The following RABGAP1L variants were observed in gnomAD, a reference collection of about 807,000 sequenced individuals.
RABGAP1L encodes rab GTPase-activating protein 1-like.
RABGAP1L carries 63 observed loss-of-function variants against 137.7 expected under a neutral mutation model. The observed-to-expected ratio is 0.46, with a 90% CI of 0.37 to 0.56. The LOEUF is 0.56. Ranked by LOEUF, RABGAP1L falls within the 20% of genes least tolerant of loss-of-function variation. RABGAP1L has a pLI of 0.00. For missense variants in RABGAP1L, 1,095 were observed against 1,244.0 expected, an observed-to-expected ratio of 0.88 and a Z score of 1.80; for synonymous variants, 431 against 433.7, an observed-to-expected ratio of 0.99 and a Z score of 0.08.
At chr1:174,489,706 G>A (rs961375811) in intron 13 of RABGAP1L, among the ~76,000 whole-genome samples, 1 of 152,162 alleles carries the variant, frequency 6.6e-6, no homozygotes, top group Non-Finnish European at 1.5e-5. Flanking sequence ...TATAAATCAT[G>A]CTGCTATCAA....
chr1:174,804,179 A>G lies in RABGAP1L; in HGVS notation c.2212-7653A>G, dbSNP rs538999250. On this transcript the variant is annotated intron_variant, in intron 18 of 25. Coordinates refer to ENST00000681986, the MANE Select transcript of RABGAP1L (RefSeq NM_001366446.1). The stretch of plus-strand genomic sequence containing the variant: ...AGTCCATACTCTGTAAGTGTGTGAT[A>G]TTTGGAGAAGGAGGAGAAACTTTGA... 1.4e-4 allele frequency among the ~76,000 whole-genome samples: 22 copies of G among 151,826 alleles called. 1 individual carries two copies. The highest frequency in any genetic ancestry group is 2.6e-4 in the Non-Finnish European group (18 of 67,988).
At chr1:174,825,747 T>G (rs926780212) in intron 19 of RABGAP1L, among the ~76,000 whole-genome samples, 1 of 152,166 alleles carries the variant, frequency 6.6e-6, no homozygotes, top group Non-Finnish European at 1.5e-5. Flanking sequence ...CTGGGTGTGG[T>G]GGCGCATGCC....
At position 174,833,449 on chromosome 1, in the gene RABGAP1L, G is replaced by GAGATATATATAT. The variant is rs1553259972; in HGVS notation, c.2340+21490_2340+21491insGATATATATATA. Among the ~76,000 whole-genome samples, 104 of 27,852 alleles carry GAGATATATATAT rather than the reference G, an allele frequency of 3.7e-3. 16 individuals carry two copies. The highest frequency in any genetic ancestry group is 8.4e-3 in the Non-Finnish European group (76 of 9,040). 18.3% of individuals were successfully genotyped at this position (27,852 alleles called of 152,430 possible). ...ATATATATATGTGTGTGTGTGTAGA[G>GAGATATATATAT]ATATATATATATATATATAGTAGAG... On this transcript the variant is annotated intron_variant, in intron 19 of 25. Coordinates refer to ENST00000681986, the MANE Select transcript of RABGAP1L (RefSeq NM_001366446.1).
At chr1:174,628,693 C>T (rs1009794584) in intron 13 of RABGAP1L, among the ~76,000 whole-genome samples, 2 of 152,228 alleles carry the variant, frequency 1.3e-5, no homozygotes, top group South Asian at 2.1e-4. Context: ...ATTATAATAT[C>T]GTATTGGACT....
intron 14 of RABGAP1L, among the ~76,000 whole-genome samples, chr1:174,648,909 G>C (rs897944326): frequency 2.0e-5 from 3 of 152,078 alleles, no homozygotes. Context: ...ATATATTTAG[G>C]ATAGTTAGCT....
At chr1:174,619,165 A>T (rs1166468036) in intron 13 of RABGAP1L, among the ~76,000 whole-genome samples, 1 of 152,122 alleles carries the variant, frequency 6.6e-6, no homozygotes, top group Non-Finnish European at 1.5e-5. Flanking sequence ...TACGTGTGAC[A>T]GGTGTACCTG....
chr1:174,565,336 C>T (rs1037243679), intron 13 of RABGAP1L, among the ~76,000 whole-genome samples: 3 of 152,120 alleles, frequency 2.0e-5, no homozygotes, highest in East Asian at 1.9e-4. Context: ...AATTAATATA[C>T]GTGGCTGTAC....
intron 11 of RABGAP1L, among the ~76,000 whole-genome samples, chr1:174,324,305 A>G (rs969727709): frequency 6.6e-6 from 1 of 152,176 alleles, no homozygotes; most frequent in Non-Finnish European, 1.5e-5. Context: ...CTTATAAATG[A>G]ATTGGATACT....
At chr1:174,176,312 A>C (rs1340627401) in intron 1 of RABGAP1L, among the ~76,000 whole-genome samples, 1 of 152,164 alleles carries the variant, frequency 6.6e-6, no homozygotes, top group Admixed American at 6.5e-5. Context: ...TGCAGTTTGA[A>C]TGGATCTTTT....
chr1:174,843,224 C>CTTTTTTT (rs60814405), intron 19 of RABGAP1L, among the ~76,000 whole-genome samples: 1 of 131,224 alleles, frequency 7.6e-6, no homozygotes, highest in African/African-American at 2.8e-5. Context: ...ATGTCACAGT[C>CTTTTTTT]TTTTTTTTTT....
At chr1:174,824,210 A>C (rs1691333853) in intron 19 of RABGAP1L, among the ~76,000 whole-genome samples, 1 of 152,158 alleles carries the variant, frequency 6.6e-6, no homozygotes, top group African/African-American at 2.4e-5. Flanking sequence ...GAGTCTCTTG[A>C]ACCAGGAAGG....
chr1:174,716,999 C>A (rs539497687), intron 17 of RABGAP1L, among the ~76,000 whole-genome samples: 2 of 152,158 alleles, frequency 1.3e-5, no homozygotes, highest in East Asian at 3.9e-4. Context: ...CATTGGCAGG[C>A]AAGAATCCAT....
intron 19 of RABGAP1L, among the ~76,000 whole-genome samples, chr1:174,870,309 T>A (rs866404010): frequency 1.3e-5 from 2 of 152,220 alleles, no homozygotes; most frequent in African/African-American, 2.4e-5. Context: ...ATTCAATCCA[T>A]CTTTTCCATG....
intron 10 of RABGAP1L, 142 bp downstream of exon 10, chr1:174,278,921 G>C (rs1273278227): frequency 7.8e-6 from 6 of 767,824 alleles, no homozygotes; most frequent in Non-Finnish European, 1.1e-5. Context: ...TCAACCAATA[G>C]AGTGTTTGAA....
chr1:174,233,835 C>T (rs1245583092), intron 4 of RABGAP1L, among the ~76,000 whole-genome samples: 1 of 111,270 alleles, frequency 9.0e-6, no homozygotes, highest in Non-Finnish European at 1.7e-5. Flanking sequence ...CCTGAGGAAT[C>T]GCCACACTGA....
At chr1:174,260,956 A>T (rs1473039461) in intron 7 of RABGAP1L, among the ~76,000 whole-genome samples, 1 of 151,992 alleles carries the variant, frequency 6.6e-6, no homozygotes, top group Admixed American at 6.6e-5. Flanking sequence ...GATTCAAGAC[A>T]AATAATACCA....
chr1:174,197,909 G>A (rs1185398559), intron 1 of RABGAP1L, among the ~76,000 whole-genome samples: 2 of 152,126 alleles, frequency 1.3e-5, no homozygotes, highest in Admixed American at 1.3e-4. Context: ...ATATGAATGT[G>A]TTTTCAGAAT....
At chr1:174,361,166 T>G (rs1179821541) in intron 11 of RABGAP1L, among the ~76,000 whole-genome samples, 1 of 152,000 alleles carries the variant, frequency 6.6e-6, no homozygotes, top group Non-Finnish European at 1.5e-5. Context: ...CCCATGCTGT[T>G]TTGGTTACTG....
intron 18 of RABGAP1L, among the ~76,000 whole-genome samples, chr1:174,788,433 T>C (rs1687618939): frequency 6.6e-6 from 1 of 152,198 alleles, no homozygotes. Context: ...AAGAGGTATT[T>C]CTTCTTTGTG....
Sources: allele counts gnomAD v4.1 joint callset (sites outside exome capture counted in the v4.1 genomes callset), GRCh38; gene constraint gnomAD v4.1.1; transcripts MANE v1.5; gene names NCBI Gene and HGNC (gene_info 2026-07-23, HGNC 2026-07-21).